CDH12: variants seen among roughly 807,000 people sequenced by gnomAD.
The protein encoded by CDH12 is cadherin-12.
CDH12 carries 41 observed loss-of-function variants against 74.1 expected under a neutral mutation model. The observed-to-expected ratio is 0.55, with a 90% CI of 0.43 to 0.72. The LOEUF is 0.72. Ranked by LOEUF, CDH12 falls within the 30% of genes least tolerant of loss-of-function variation. The pLI is 0.00. For missense variants in CDH12, 945 were observed against 977.2 expected, an observed-to-expected ratio of 0.97 and a Z score of 0.44; for synonymous variants, 399 against 355.0, an observed-to-expected ratio of 1.12 and a Z score of -1.39.
At chr5:22,035,994 C>T (rs902437920) in intron 5 of CDH12, among the ~76,000 whole-genome samples, 1 of 152,094 alleles carries the variant, frequency 6.6e-6, no homozygotes, top group African/African-American at 2.4e-5. Flanking sequence ...TAAGGTTAAA[C>T]TAGAAACAAC....
chr5:22,348,582 G>A (rs900609040), intron 3 of CDH12, among the ~76,000 whole-genome samples: 3 of 152,116 alleles, frequency 2.0e-5, no homozygotes, highest in South Asian at 2.1e-4. Flanking sequence ...TATAATCCAC[G>A]ATGAGACAGA....
chr5:22,539,174 T>C (rs575100932), intron 1 of CDH12, among the ~76,000 whole-genome samples: 1 of 152,348 alleles, frequency 6.6e-6, no homozygotes, highest in East Asian at 1.9e-4. Context: ...TGTGTGTTGA[T>C]ATTCTGTGTA....
intron 2 of CDH12, among the ~76,000 whole-genome samples, chr5:22,493,393 T>C (rs1463079711): frequency 6.6e-6 from 1 of 152,140 alleles, no homozygotes; most frequent in African/African-American, 2.4e-5. Context: ...GGCACTCAAA[T>C]AGGTGCATGA....
chr5:22,332,274 A>T (rs955431381), intron 3 of CDH12, among the ~76,000 whole-genome samples: 2 of 152,182 alleles, frequency 1.3e-5, no homozygotes, highest in African/African-American at 2.4e-5. Context: ...AAGAAAAAAA[A>T]TAACATAAAA....
chr5:22,052,822 A>C (rs1452772343), intron 5 of CDH12, among the ~76,000 whole-genome samples: 1 of 152,062 alleles, frequency 6.6e-6, no homozygotes, highest in African/African-American at 2.4e-5. Flanking sequence ...TTATCATGAA[A>C]GTAGGCCAAA....
chr5:21,830,507 T>C (rs1311630894), intron 8 of CDH12, among the ~76,000 whole-genome samples: 2 of 152,070 alleles, frequency 1.3e-5, no homozygotes, highest in Non-Finnish European at 2.9e-5. Flanking sequence ...GTAAAACAAA[T>C]CAGTATGAGT....
intron 10 of CDH12, among the ~76,000 whole-genome samples, chr5:21,791,874 T>C (rs374492677): frequency 8.2e-4 from 124 of 151,992 alleles, no homozygotes; most frequent in African/African-American, 2.6e-3. Context: ...ATTTGCTTAA[T>C]AATTTTCTCA....
chr5:22,309,940 A>G (rs1738306880), intron 3 of CDH12, among the ~76,000 whole-genome samples: 1 of 139,534 alleles, frequency 7.2e-6, no homozygotes, highest in Admixed American at 7.5e-5. Flanking sequence ...ATAAACAATT[A>G]TCAAGTTTAA....
At chr5:22,385,647 A>C (rs1253669456) in intron 3 of CDH12, among the ~76,000 whole-genome samples, 6 of 152,160 alleles carry the variant, frequency 3.9e-5, no homozygotes, top group African/African-American at 1.4e-4. Flanking sequence ...CCATAGCACC[A>C]GTTAACAAAC....
At chr5:22,413,071 T>A (rs1313590762) in intron 2 of CDH12, among the ~76,000 whole-genome samples, 1 of 152,058 alleles carries the variant, frequency 6.6e-6, no homozygotes, top group African/African-American at 2.4e-5. Context: ...TTGCTTTTGC[T>A]ATTATTCAAT....
intron 8 of CDH12, among the ~76,000 whole-genome samples, chr5:21,830,129 G>A (rs966513840): frequency 1.4e-5 from 2 of 144,172 alleles, no homozygotes; most frequent in Admixed American, 7.2e-5. Context: ...AACCCAGGAG[G>A]TGGAGGTTGC....
intron 6 of CDH12, among the ~76,000 whole-genome samples, chr5:21,880,011 A>G (rs1468675549): frequency 6.6e-6 from 1 of 152,200 alleles, no homozygotes; most frequent in African/African-American, 2.4e-5. Flanking sequence ...GACAGTTCTG[A>G]TGTCCTTGCT....
chr5:21,768,858 C>T (rs1745168491), intron 11 of CDH12, among the ~76,000 whole-genome samples: 1 of 151,952 alleles, frequency 6.6e-6, no homozygotes, highest in Non-Finnish European at 1.5e-5. Context: ...TTCTTATAAA[C>T]ATAAATACAA....
chr5:22,113,205 G>A (rs1002862560), intron 4 of CDH12, among the ~76,000 whole-genome samples: 16 of 152,208 alleles, frequency 1.1e-4, no homozygotes, highest in African/African-American at 3.4e-4. Context: ...CCCAAAACAT[G>A]TTTCTTTGCC....
At chr5:21,966,854 T>C (rs945069621) in intron 6 of CDH12, among the ~76,000 whole-genome samples, 3 of 152,118 alleles carry the variant, frequency 2.0e-5, no homozygotes, top group African/African-American at 7.2e-5. Context: ...CTTTATGTAA[T>C]AGCATACTCT....
chr5:22,448,252 T>G (rs1321017352), intron 2 of CDH12, among the ~76,000 whole-genome samples: 1 of 150,416 alleles, frequency 6.6e-6, no homozygotes, highest in Admixed American at 6.6e-5. Context: ...AGTAATAGAT[T>G]AAAGTTCAAA....
At chr5:22,381,128 G>T (rs910702012) in intron 3 of CDH12, among the ~76,000 whole-genome samples, 3 of 151,918 alleles carry the variant, frequency 2.0e-5, no homozygotes, top group Non-Finnish European at 4.4e-5. Flanking sequence ...GATCACAATT[G>T]CAATCTATTC....
intron 1 of CDH12, among the ~76,000 whole-genome samples, chr5:22,635,795 T>C (rs1396739082): frequency 6.6e-6 from 1 of 151,850 alleles, no homozygotes; most frequent in Non-Finnish European, 1.5e-5. Context: ...GCGCCTGTAA[T>C]CCCAGCTACT....
intron 4 of CDH12, among the ~76,000 whole-genome samples, chr5:22,084,840 A>T (rs1742963984): frequency 6.6e-6 from 1 of 152,162 alleles, no homozygotes; most frequent in South Asian, 2.1e-4. Context: ...CAGGCATGAA[A>T]CACAGGCTAA....
Sources: allele counts gnomAD v4.1 joint callset (sites outside exome capture counted in the v4.1 genomes callset), GRCh38; gene constraint gnomAD v4.1.1; transcripts MANE v1.5; gene names NCBI Gene and HGNC (gene_info 2026-07-23, HGNC 2026-07-21).